The following CLPTM1L variants were observed in gnomAD, a reference collection of about 807,000 sequenced individuals.
CLPTM1L encodes the protein lipid scramblase CLPTM1L.
In CLPTM1L, 38 loss-of-function variants were observed where a neutral mutation model predicts 70.9. That is an observed-to-expected ratio of 0.54 (90% CI 0.41 to 0.70). The LOEUF (loss-of-function observed/expected upper bound fraction) is 0.70. Among genes scored for constraint, CLPTM1L ranks in the 30% least tolerant of loss-of-function variants. The pLI, the probability that CLPTM1L is intolerant of heterozygous loss-of-function variation, is 0.00. For synonymous variants in CLPTM1L, 339 were observed against 299.9 expected (o/e 1.13, Z -1.35); for missense variants, 652 against 705.9 (o/e 0.92, Z 0.87).
chr5:1,318,432 G>A lies in CLPTM1L; in HGVS notation c.1554C>T (p.Arg518=), dbSNP rs1254094334. 1.2e-6 allele frequency: 2 copies of A among 1,613,732 alleles called. No homozygotes were observed. Among genetic ancestry groups the A allele is most frequent in the Admixed American group, 1.7e-5 (1 of 60,000 alleles). Residue 518 remains arginine, a synonymous_variant, in exon 17 of 17, where the codon CGC becomes CGT. Coordinates refer to ENST00000320895, the MANE Select transcript of CLPTM1L (RefSeq NM_030782.5). This position sits in a 1 kb window ranked among gnomAD's most constrained non-coding sequence, Gnocchi z 8.9. Reference sequence around the variant, plus strand: ...AGGACTCCCCAAACTCGTTCACTCTGCGTTTATCCACAGGATAAAGCCTGC... The same window carrying A: ...AGGACTCCCCAAACTCGTTCACTCTACGTTTATCCACAGGATAAAGCCTGC... ...YQRWLYPVDK[R]RVNEFGESYE... is the part of the protein sequence containing the mutation.
At chr5:1,338,758 C>A (rs922603689) in intron 4 of CLPTM1L, 102 bp downstream of exon 4, 29 of 1,415,420 alleles carry the variant, frequency 2.0e-5, no homozygotes, top group Non-Finnish European at 2.6e-5. Flanking sequence ...TGCCTCCCCA[C>A]AGAGGGGACT....
intron 9 of CLPTM1L, among the ~76,000 whole-genome samples, chr5:1,328,661 C>T (rs1579632076): frequency 1.3e-5 from 2 of 151,108 alleles, no homozygotes; most frequent in Non-Finnish European, 2.9e-5. Flanking sequence ...TTTCTTCCAG[C>T]TCCTTGTCTA....
chr5:1,344,556 A>C, intron 1 of CLPTM1L, 105 bp from the exon 2 acceptor site: 1 of 1,445,512 alleles, frequency 6.9e-7, no homozygotes, highest in Non-Finnish European at 9.5e-7. Flanking sequence ...CTGGGGAACC[A>C]GGAAAGGTTC....
intron 15 of CLPTM1L, 29 bp from the exon 16 acceptor site, chr5:1,320,760 C>CCT: frequency 7.5e-7 from 1 of 1,338,052 alleles, no homozygotes; most frequent in Non-Finnish European, 1.0e-6. Flanking sequence ...GGAGGGTGAA[C>CCT]CCCAGTTGCT....
intron 4 of CLPTM1L, chr5:1,338,274 C>G: frequency 2.1e-6 from 1 of 485,872 alleles, no homozygotes; most frequent in Non-Finnish European, 3.8e-6. Context: ...ACAGCAGAAC[C>G]CAGGGCCCTC....
rs1019587426 is a variant in CLPTM1L, at chr5:1,344,575, C to G, written c.162+105G>C. ...GGAACCAGGAAAGGTTCCATCTCGACTCGCGCGGCCACAGCTCCGAACTGG... is the reference window on the plus strand; with the variant it reads ...GGAACCAGGAAAGGTTCCATCTCGAGTCGCGCGGCCACAGCTCCGAACTGG... On this transcript the variant is annotated intron_variant, in intron 1 of 16. Coordinates refer to ENST00000320895, the MANE Select transcript of CLPTM1L (RefSeq NM_030782.5). 4.8e-6 allele frequency: 7 copies of G among 1,463,618 alleles called. No homozygotes were observed. In the Admixed American group the frequency reaches 1.0e-4, roughly 21 times the overall value. The allele number at this position is 1,463,618 out of a possible 1,614,324, so 90.7% of individuals were successfully genotyped here.
At chr5:1,327,529 T>A (rs1249246655) in intron 9 of CLPTM1L, among the ~76,000 whole-genome samples, 4 of 148,278 alleles carry the variant, frequency 2.7e-5, no homozygotes, top group Non-Finnish European at 3.0e-5. Flanking sequence ...TCCATCCAGC[T>A]CCTCCTCTAC....
At chr5:1,324,971 G>A (rs1423275731) in intron 10 of CLPTM1L, 158 bp from the exon 11 acceptor site, 7 of 656,390 alleles carry the variant, frequency 1.1e-5, no homozygotes, top group Non-Finnish European at 8.1e-6. Flanking sequence ...GGACCCAGAG[G>A]ACGGGGATCC....
At chr5:1,320,350 C>G (rs1752079271) in intron 16 of CLPTM1L, 1 of 388,202 alleles carries the variant, frequency 2.6e-6, no homozygotes. Context: ...GAGACATTTG[C>G]TTTCAGTGGC....
intron 10 of CLPTM1L, chr5:1,325,263 C>T (rs1461771525): frequency 4.0e-6 from 1 of 251,038 alleles, no homozygotes. Flanking sequence ...AGGGCCCCGC[C>T]TCAATCAAGG....
intron 3 of CLPTM1L, among the ~76,000 whole-genome samples, chr5:1,341,435 G>A (rs928417354): frequency 6.6e-6 from 1 of 152,156 alleles, no homozygotes; most frequent in Admixed American, 6.5e-5. Flanking sequence ...ACTCTGCATC[G>A]AGAATGCCAG....
intron 1 of CLPTM1L, 74 bp from the exon 2 acceptor site, chr5:1,344,525 G>A: frequency 6.7e-7 from 1 of 1,502,264 alleles, no homozygotes; most frequent in South Asian, 1.1e-5. Flanking sequence ...ACGGCCAGCT[G>A]GAGGGCGGAA....
chr5:1,320,947 C>T (rs936019272), intron 15 of CLPTM1L, among the ~76,000 whole-genome samples: 5 of 152,252 alleles, frequency 3.3e-5, no homozygotes, highest in African/African-American at 9.6e-5. Context: ...CGACACACTG[C>T]GGGTCTTGCC....
rs1267871562 is a variant in CLPTM1L, at chr5:1,339,109, C to CA, written c.454-105dup. On this transcript the variant is annotated intron_variant, in intron 3 of 16. Coordinates refer to ENST00000320895, the MANE Select transcript of CLPTM1L (RefSeq NM_030782.5). The stretch of plus-strand genomic sequence containing the variant: ...CGAACAGAACGGCCACACAGACAGG[C>CA]AAACTGTGCCCGGGACAGCAGGGTC... 7.5e-6 allele frequency: 10 copies of CA among 1,332,380 alleles called. No individual in the cohort carries two copies. In the East Asian group the frequency reaches 2.3e-4, roughly 30 times the overall value. The allele number at this position is 1,332,380 out of a possible 1,614,324, so 82.5% of individuals were successfully genotyped here.
In CLPTM1L at chr5:1,335,006, G is replaced by A. The variant is rs376537532; in HGVS notation, c.796+51C>T. ...TGTCAGGATTCGCACTTGGATGCCC[G>A]AGGGGCTCCAGGGCGGCCTCACCCA... On this transcript the variant is annotated intron_variant, in intron 6 of 16. Coordinates refer to ENST00000320895, the MANE Select transcript of CLPTM1L (RefSeq NM_030782.5). 512 of 1,445,520 alleles carry A rather than the reference G, an allele frequency of 3.5e-4. 1 individual carries two copies. The South Asian group carries it at 3.7e-3, about 11-fold the overall frequency. 89.5% of individuals were successfully genotyped at this position (1,445,520 alleles called of 1,614,324 possible).
At position 1,323,779 on chromosome 5, in the gene CLPTM1L, C is replaced by T. The variant is rs1752333445; in HGVS notation, c.1280+8G>A. The T allele has an allele frequency of 6.2e-7, 1 of 1,608,508 alleles. No individual in the cohort carries two copies. The highest frequency in any genetic ancestry group is 2.2e-5 in the East Asian group (1 of 44,856). On this transcript the variant is annotated splice_region_variant and intron_variant, in intron 12 of 16. Coordinates refer to ENST00000320895, the MANE Select transcript of CLPTM1L (RefSeq NM_030782.5). ...GACGCAGCAGGGGAAGCGTGTGCGGCCTCCTACCTCTTATATTTGATATTC... is the reference window on the plus strand; with the variant it reads ...GACGCAGCAGGGGAAGCGTGTGCGGTCTCCTACCTCTTATATTTGATATTC...
intron 2 of CLPTM1L, among the ~76,000 whole-genome samples, chr5:1,343,045 G>A (rs1292459176): frequency 6.6e-6 from 1 of 152,218 alleles, no homozygotes; most frequent in African/African-American, 2.4e-5. Context: ...AAAAAAATTA[G>A]CCAGGCGTGG....
chr5:1,339,420 C>T (rs1753801615), intron 3 of CLPTM1L, among the ~76,000 whole-genome samples: 1 of 137,450 alleles, frequency 7.3e-6, no homozygotes, highest in African/African-American at 2.8e-5. Flanking sequence ...AGAACGGCCA[C>T]ACAGACGGGC....
At chr5:1,341,445 G>A (rs1320606464) in intron 3 of CLPTM1L, among the ~76,000 whole-genome samples, 2 of 152,210 alleles carry the variant, frequency 1.3e-5, no homozygotes, top group Non-Finnish European at 2.9e-5. Flanking sequence ...GAGAATGCCA[G>A]CGATCACTTC....
Sources: gnomAD v4.1 joint callset for allele counts (sites outside exome capture counted in the v4.1 genomes callset) on GRCh38, gnomAD v4.1.1 for gene constraint, Gnocchi (gnomAD v3.1) non-coding constraint, MANE v1.5 for transcripts, NCBI Gene and HGNC (gene_info 2026-07-23, HGNC 2026-07-21) for gene names.